NFIB: variants seen among roughly 807,000 people sequenced by gnomAD.
NFIB encodes nuclear factor 1 B-type.
In NFIB, 11 loss-of-function variants were observed where a neutral mutation model predicts 61.5. The observed-to-expected ratio is 0.18, with a 90% CI of 0.11 to 0.30. The LOEUF (loss-of-function observed/expected upper bound fraction) is 0.30, where lower values mean the gene tolerates loss of function less well. NFIB is among the 10% of genes least tolerant of loss of function. The pLI is 1.00. For missense variants in NFIB, 471 were observed against 608.9 expected (o/e 0.77, Z 2.38); for synonymous variants, 260 against 216.5 (o/e 1.20, Z -1.76).
chr9:14,338,683 C>T (rs2060914127), intron 1 of NFIB, among the ~76,000 whole-genome samples: 1 of 152,190 alleles, frequency 6.6e-6, no homozygotes, highest in Non-Finnish European at 1.5e-5. Context: ...TTGTGGTAGA[C>T]ACACAGTAAT....
chr9:14,322,910 C>G (rs866485321), intron 1 of NFIB, among the ~76,000 whole-genome samples: 3 of 151,746 alleles, frequency 2.0e-5, no homozygotes, highest in Middle Eastern at 3.4e-3. Context: ...GCTTCCCGAC[C>G]GTGTGTCTGC....
the NFIB span, among the ~76,000 whole-genome samples, chr9:14,447,269 G>A: frequency 1.3e-5 from 2 of 152,126 alleles, no homozygotes; most frequent in African/African-American, 4.8e-5. Flanking sequence ...TGTCTGCTCT[G>A]TTTGTTTTTA....
chr9:14,513,388 G>A, the NFIB span, among the ~76,000 whole-genome samples: 2 of 152,092 alleles, frequency 1.3e-5, no homozygotes, highest in African/African-American at 2.4e-5. Flanking sequence ...CCAGCACTTT[G>A]GGAGGCTGAG....
At chr9:14,105,474 C>A (rs1047722252) in intron 10 of NFIB, among the ~76,000 whole-genome samples, 1 of 152,082 alleles carries the variant, frequency 6.6e-6, no homozygotes, top group African/African-American at 2.4e-5. Flanking sequence ...TGAGGAGACA[C>A]GCTATAACTT....
At chr9:14,481,773 G>A in the NFIB span, among the ~76,000 whole-genome samples, 1 of 152,132 alleles carries the variant, frequency 6.6e-6, no homozygotes, top group Non-Finnish European at 1.5e-5. Flanking sequence ...GAAGGAACCT[G>A]AGACCTGTAA....
chr9:14,520,340 C>T, the NFIB span, among the ~76,000 whole-genome samples: 55 of 152,248 alleles, frequency 3.6e-4, 1 homozygote, highest in African/African-American at 1.3e-3. Context: ...TTAATAGGTG[C>T]TATTTCCCTA....
intron 2 of NFIB, among the ~76,000 whole-genome samples, chr9:14,281,786 TA>T (rs1345952305): frequency 7.2e-5 from 11 of 152,212 alleles, no homozygotes; most frequent in Admixed American, 5.2e-4. Flanking sequence ...TAAATGATTA[TA>T]ATCCTTAGGT....
At chr9:14,149,182 A>G (rs1378845310) in intron 5 of NFIB, among the ~76,000 whole-genome samples, 2 of 152,192 alleles carry the variant, frequency 1.3e-5, no homozygotes, top group African/African-American at 4.8e-5. Context: ...TACACAATTT[A>G]ACTATATGAA....
At chr9:14,473,401 G>C in the NFIB span, among the ~76,000 whole-genome samples, 3 of 142,408 alleles carry the variant, frequency 2.1e-5, no homozygotes, top group African/African-American at 7.9e-5. Flanking sequence ...AAGCCATGAA[G>C]AGGTTCCCAG....
chr9:14,260,872 C>T (rs998470640), intron 2 of NFIB, among the ~76,000 whole-genome samples: 2 of 152,064 alleles, frequency 1.3e-5, no homozygotes, highest in Non-Finnish European at 2.9e-5. Context: ...CAGGGAGCTA[C>T]ACAGATGGTG....
intron 7 of NFIB, 122 bp downstream of exon 7, chr9:14,125,510 A>G: frequency 7.4e-7 from 1 of 1,349,754 alleles, no homozygotes; most frequent in Non-Finnish European, 1.0e-6. Context: ...TGTGCCCCTC[A>G]CCATATGGGT....
chr9:14,329,350 T>C (rs973395219), intron 1 of NFIB, among the ~76,000 whole-genome samples: 44 of 152,230 alleles, frequency 2.9e-4, no homozygotes, highest in African/African-American at 1.0e-3. Context: ...TCACCATAAC[T>C]ACTGTGACCA....
intron 4 of NFIB, among the ~76,000 whole-genome samples, chr9:14,150,509 T>C (rs2042748215): frequency 6.6e-6 from 1 of 152,122 alleles, no homozygotes; most frequent in Admixed American, 6.6e-5. Context: ...TCCCGAATCC[T>C]ATTCCTCAAC....
At chr9:14,208,222 A>T (rs751766199) in intron 2 of NFIB, among the ~76,000 whole-genome samples, 18 of 152,154 alleles carry the variant, frequency 1.2e-4, no homozygotes, top group Non-Finnish European at 2.1e-4. Flanking sequence ...CTATACAACA[A>T]AGCAATACGT....
intron 1 of NFIB, among the ~76,000 whole-genome samples, chr9:14,327,810 C>T (rs2060773579): frequency 6.6e-6 from 1 of 152,130 alleles, no homozygotes; most frequent in Non-Finnish European, 1.5e-5. Flanking sequence ...ACTTCATCCA[C>T]TAAAACAAAA....
At chr9:14,398,623 T>C in exon 1 of NFIB, 1 of 1,530,068 alleles carries the variant, frequency 6.5e-7, no homozygotes, top group Non-Finnish European at 8.7e-7. Context: ...ACACTGGGAT[T>C]CTTTCCATAC....
intron 5 of NFIB, among the ~76,000 whole-genome samples, chr9:14,147,764 C>T (rs1420646756): frequency 6.6e-6 from 1 of 151,152 alleles, no homozygotes; most frequent in East Asian, 2.0e-4. Flanking sequence ...ACCTCAGCCT[C>T]CCAAGTAGCT....
chr9:14,210,031 C>A lies in NFIB; in HGVS notation c.563-30251G>T, dbSNP rs192685972. Among the ~76,000 whole-genome samples, 641 of 152,254 alleles carry A rather than the reference C, an allele frequency of 4.2e-3. 2 individuals are homozygous for A. Among genetic ancestry groups the A allele is most frequent in the Middle Eastern group, 6.8e-3 (2 of 294 alleles). ...TTTGTTTTACATACTTGAATTAAGT[C>A]ATATAAATAACTACAACAATTGGTA... On this transcript the variant is annotated intron_variant, in intron 2 of 10. Transcript: ENST00000380953.
Position 14,227,841 on chromosome 9 carries a change from C to T in NFIB, c.563-48061G>A, listed in dbSNP as rs557328232. Among the ~76,000 whole-genome samples, 8 of 152,248 alleles carry T rather than the reference C, an allele frequency of 5.3e-5. No homozygotes were observed. In the East Asian group the frequency reaches 1.5e-3, roughly 29 times the overall value. The stretch of plus-strand genomic sequence containing the variant: ...ATTGCTGTTTAGCTGCAGAGAGGAA[C>T]CTTCTGAACCTCTGGAGTCTAAGCT... On this transcript the variant is annotated intron_variant, in intron 2 of 10. Transcript: ENST00000380953.
Sources: gnomAD v4.1 joint callset for allele counts (sites outside exome capture counted in the v4.1 genomes callset) on GRCh38, gnomAD v4.1.1 for gene constraint, MANE v1.5 for transcripts, NCBI Gene and HGNC (gene_info 2026-07-23, HGNC 2026-07-21) for gene names.